The following LASP1 variants were observed in gnomAD, a reference collection of about 807,000 sequenced individuals.
LASP1 encodes the protein LIM and SH3 protein 1.
A neutral mutation model predicts 38.6 loss-of-function variants in LASP1; 10 were observed. The observed-to-expected ratio is 0.26, with a 90% CI of 0.16 to 0.44. The LOEUF (loss-of-function observed/expected upper bound fraction) is 0.44. Ranked by LOEUF, LASP1 falls within the 20% of genes least tolerant of loss-of-function variation. The probability of loss-of-function intolerance (pLI) is 1.00; values close to 1 mark genes in which losing one functional copy is unlikely to be tolerated. For synonymous variants in LASP1, 132 were observed against 140.8 expected (o/e 0.94, Z 0.44); for missense variants, 243 against 375.7 (o/e 0.65, Z 2.92).
At chr17:38,904,377 G>A (rs1237076808) in intron 4 of LASP1, 1 of 152,156 alleles carries the variant, frequency 6.6e-6, no homozygotes, top group Non-Finnish European at 1.5e-5. Context: ...CAGATCACCT[G>A]AGGTCTGGAG....
chr17:38,897,582 C>A (rs1251203855), intron 3 of LASP1, among the ~76,000 whole-genome samples: 2 of 152,240 alleles, frequency 1.3e-5, no homozygotes, highest in African/African-American at 2.4e-5. Flanking sequence ...CAATTCCTTT[C>A]GTGCCAGGGA....
intron 2 of LASP1, among the ~76,000 whole-genome samples, chr17:38,883,651 G>A (rs1401539797): frequency 6.6e-6 from 1 of 151,414 alleles, no homozygotes; most frequent in Non-Finnish European, 1.5e-5. Flanking sequence ...TAACACCTAC[G>A]TTTTACAGAT....
intron 4 of LASP1, among the ~76,000 whole-genome samples, chr17:38,909,548 A>T (rs1229834204): frequency 6.6e-6 from 1 of 151,978 alleles, no homozygotes; most frequent in African/African-American, 2.4e-5. Flanking sequence ...CAGAGGGTGC[A>T]GTAAGCCGAG....
chr17:38,903,362 CT>C (rs1914696511), intron 4 of LASP1, among the ~76,000 whole-genome samples: 1 of 151,990 alleles, frequency 6.6e-6, no homozygotes, highest in Admixed American at 6.5e-5. Context: ...AATGATATCA[CT>C]CTTATTATCA....
intron 4 of LASP1, among the ~76,000 whole-genome samples, chr17:38,909,261 A>G (rs940893555): frequency 2.6e-5 from 4 of 152,172 alleles, no homozygotes; most frequent in African/African-American, 9.6e-5. Flanking sequence ...TCAAACCCTG[A>G]ACCCTCACAC....
chr17:38,912,992 C>T (rs542350613), intron 4 of LASP1, among the ~76,000 whole-genome samples: 9 of 152,304 alleles, frequency 5.9e-5, no homozygotes, highest in African/African-American at 2.2e-4. Context: ...TCCACCATAG[C>T]ACCCAAGGGG....
chr17:38,887,666 T>G (rs1914181697), intron 2 of LASP1, among the ~76,000 whole-genome samples: 1 of 152,190 alleles, frequency 6.6e-6, no homozygotes. Flanking sequence ...TAGGATCATC[T>G]GGATCCGGGA....
chr17:38,876,115 T>C (rs1913766007), intron 1 of LASP1, among the ~76,000 whole-genome samples: 1 of 151,942 alleles, frequency 6.6e-6, no homozygotes, highest in South Asian at 2.1e-4. Context: ...GCATCAATAC[T>C]TCTCAGGGGT....
rs71352324 is a variant in LASP1 at position 38,918,139 on chromosome 17, CAAAA to C, written c.613-452_613-449del. Among the ~76,000 whole-genome samples, 2 of 95,042 alleles carry C rather than the reference CAAAA, an allele frequency of 2.1e-5. No individual in the cohort carries two copies. The highest frequency in any genetic ancestry group is 4.4e-5 in the Non-Finnish European group (2 of 45,350). 62.4% of individuals were successfully genotyped at this position (95,042 alleles called of 152,430 possible). A position where few individuals can be genotyped will look rare whatever the true frequency, so the allele number is the denominator to read the frequency against. ...TGGGTGACAAAGCAAGACTCCATCT[CAAAA>C]AAAAAAAAAAAAAGAGGGAGTTGGG... On this transcript the variant is annotated intron_variant, in intron 6 of 6. Coordinates refer to ENST00000318008, the MANE Select transcript of LASP1 (RefSeq NM_006148.4). This position sits in a 1 kb window ranked among gnomAD's most constrained non-coding sequence, Gnocchi z 4.4.
chr17:38,896,692 T>C (rs374983443), intron 3 of LASP1, among the ~76,000 whole-genome samples: 14 of 152,178 alleles, frequency 9.2e-5, no homozygotes, highest in African/African-American at 3.1e-4. Context: ...CCACTGTCTG[T>C]ATCGTGGGTT....
chr17:38,895,616 T>C (rs1433055901), intron 3 of LASP1, among the ~76,000 whole-genome samples: 2 of 152,282 alleles, frequency 1.3e-5, no homozygotes, highest in East Asian at 3.9e-4. Flanking sequence ...GTGCCTGGCA[T>C]AATTTTTGTT....
chr17:38,906,527 A>AAAATAAATAAATAAAT (rs60650093), intron 4 of LASP1, among the ~76,000 whole-genome samples: 2 of 151,118 alleles, frequency 1.3e-5, no homozygotes, highest in African/African-American at 4.9e-5. Flanking sequence ...AGACTGTCTC[A>AAAATAAATAAATAAAT]AAATAAATAA....
In LASP1 at chr17:38,918,703, C is replaced by T. The variant is rs746197131; in HGVS notation, c.711C>T (p.Asp237=). ...TCGTCAACGTGCAGCAGATCGACGA[C>T]GGCTGGATGTACGGGACGGTGGAGC... ...DTIVNVQQID[D]GWMYGTVERT... The change falls in exon 7 of 7, where the codon GAC becomes GAT. Residue 237 remains aspartate (D), a synonymous_variant. Coordinates refer to ENST00000318008, the MANE Select transcript of LASP1 (RefSeq NM_006148.4). The surrounding 1 kb of genome is among the most constrained non-coding windows in gnomAD (Gnocchi z 4.4). The T allele has an allele frequency of 1.4e-5, 23 of 1,613,996 alleles. No homozygotes were observed. Among genetic ancestry groups the T allele is most frequent in the Admixed American group, 8.3e-5 (5 of 60,016 alleles).
chr17:38,901,725 G>C (rs1914645577), intron 4 of LASP1, among the ~76,000 whole-genome samples: 1 of 152,136 alleles, frequency 6.6e-6, no homozygotes, highest in Non-Finnish European at 1.5e-5. Flanking sequence ...GTCAGAGGGT[G>C]CCAGATCAGG....
intron 4 of LASP1, among the ~76,000 whole-genome samples, chr17:38,900,197 CAAAAAAAAAAAAA>C (rs56008544): frequency 1.5e-5 from 1 of 67,572 alleles, no homozygotes; most frequent in East Asian, 4.6e-4. Context: ...ACTGTTTCTA[CAAAAAAAAAAAAA>C]AAAAAAAAAA....
chr17:38,920,346 C>A lies in LASP1; in HGVS notation c.*1568C>A. 2 of 356,472 alleles carry A rather than the reference C, an allele frequency of 5.6e-6. No individual in the cohort carries two copies. The highest frequency in any genetic ancestry group is 1.1e-5 in the Non-Finnish European group (2 of 184,490). The allele number at this position is 356,472 out of a possible 1,614,324, so 22.1% of individuals were successfully genotyped here. A position where few individuals can be genotyped will look rare whatever the true frequency, so the allele number is the denominator to read the frequency against. The stretch of plus-strand genomic sequence containing the variant: ...GCTCCCTTGAAGCAAGAAAGAGGGT[C>A]CCAGGGCTGCAAAACTGGAAGCACA... On this transcript the variant is annotated 3_prime_UTR_variant, in exon 7 of 7. Transcript: ENST00000318008.
Position 38,919,404 on chromosome 17 carries a change from C to G in LASP1, c.*626C>G. On this transcript the variant is annotated 3_prime_UTR_variant, in exon 7 of 7. Transcript: ENST00000318008. ...CATCCCCTCCCCGCGCGTTCCTTCG[C>G]ACACTGTGATTTTGCCCTCCTGCCC... 4.1e-6 allele frequency: 1 copy of G among 241,462 alleles called. No homozygotes were observed. The allele number at this position is 241,462 out of a possible 1,614,324, so 15.0% of individuals were successfully genotyped here. A position where few individuals can be genotyped will look rare whatever the true frequency, so the allele number is the denominator to read the frequency against.
chr17:38,908,339 G>C (rs923544585), intron 4 of LASP1, among the ~76,000 whole-genome samples: 3 of 152,264 alleles, frequency 2.0e-5, no homozygotes, highest in African/African-American at 7.2e-5. Flanking sequence ...TGGAAGGGCA[G>C]GTGCCTCGTG....
chr17:38,897,744 G>C (rs1000662173), intron 3 of LASP1, among the ~76,000 whole-genome samples: 3 of 152,152 alleles, frequency 2.0e-5, no homozygotes, highest in Admixed American at 6.5e-5. Context: ...ATCCCGGCAG[G>C]CTCCCAGAAT....
Sources: allele counts gnomAD v4.1 joint callset (sites outside exome capture counted in the v4.1 genomes callset), GRCh38; gene constraint gnomAD v4.1.1; non-coding constraint Gnocchi (gnomAD v3.1); transcripts MANE v1.5; gene names NCBI Gene and HGNC (gene_info 2026-07-23, HGNC 2026-07-21).